VDR: variants seen among roughly 807,000 people sequenced by gnomAD.
VDR encodes the protein vitamin D3 receptor.
In VDR, 19 loss-of-function variants were observed where a neutral mutation model predicts 39.7. That is an observed-to-expected ratio of 0.48 (90% CI 0.33 to 0.70). VDR has a LOEUF of 0.70. VDR is among the 30% of genes least tolerant of loss of function. The pLI is 0.02. For missense variants in VDR, 442 were observed against 570.5 expected, an observed-to-expected ratio of 0.77 and a Z score of 2.29; for synonymous variants, 242 against 215.8, an observed-to-expected ratio of 1.12 and a Z score of -1.07.
At chr12:47,887,336 A>AAAAAC (rs1946276721) in intron 1 of VDR, among the ~76,000 whole-genome samples, 2 of 146,866 alleles carry the variant, frequency 1.4e-5, no homozygotes, top group Admixed American at 6.7e-5. Flanking sequence ...AAAAAAAAAA[A>AAAAAC]AAAAACAAAG....
chr12:47,844,420 T>C lies in VDR; in HGVS notation c.*326A>G, dbSNP rs1945232405. ...ATTTCTCCTGTCTGTTCCCTCAACA[T>C]CAGTCAGCAGCCACTTAGGCAGCGG... On this transcript the variant is annotated 3_prime_UTR_variant, in exon 10 of 10. Coordinates refer to ENST00000549336, the MANE Select transcript of VDR (RefSeq NM_000376.3). The C allele has an allele frequency of 1.9e-6, 1 of 513,300 alleles. No individual in the cohort carries two copies. The highest frequency in any genetic ancestry group is 3.5e-6 in the Non-Finnish European group (1 of 281,942). 31.8% of individuals were successfully genotyped at this position (513,300 alleles called of 1,614,324 possible). A position where few individuals can be genotyped will look rare whatever the true frequency, so the allele number is the denominator to read the frequency against.
chr12:47,872,816 A>G (rs981034663), intron 3 of VDR, among the ~76,000 whole-genome samples: 11 of 152,210 alleles, frequency 7.2e-5, no homozygotes, highest in Admixed American at 6.5e-5. Flanking sequence ...AAACTAAGAC[A>G]CTAAAAAGGG....
intron 3 of VDR, among the ~76,000 whole-genome samples, chr12:47,876,849 A>T (rs144856552): frequency 6.6e-6 from 1 of 152,216 alleles, no homozygotes; most frequent in African/African-American, 2.4e-5. Flanking sequence ...TCCAGTGAGG[A>T]ACTGGCCTCC....
Position 47,844,809 on chromosome 12 carries a change from C to T in VDR, c.1221G>A (p.Gln407=). 6.2e-7 allele frequency: 1 copy of T among 1,614,174 alleles called. No individual in the cohort carries two copies. The highest frequency in any genetic ancestry group is 8.5e-7 in the Non-Finnish European group (1 of 1,180,004). Residue 407 remains glutamine, a synonymous_variant, in exon 10 of 10, where the codon CAG becomes CAA. Coordinates refer to ENST00000549336, the MANE Select transcript of VDR (RefSeq NM_000376.3). The part of the protein sequence containing the change: ...HSKQYRCLSF[Q]PECSMKLTPL... ...GCGTTAGCTTCATGCTGCACTCAGG[C>T]TGGAAGGAGAGGCAGCGGTACTGCT...
chr12:47,894,149 G>T (rs986329465), intron 1 of VDR, among the ~76,000 whole-genome samples: 13 of 152,100 alleles, frequency 8.5e-5, no homozygotes, highest in Non-Finnish European at 1.8e-4. Flanking sequence ...TAAACCACAG[G>T]GTACTTTCCA....
intron 7 of VDR, among the ~76,000 whole-genome samples, chr12:47,854,268 T>A (rs1424863931): frequency 6.6e-6 from 1 of 151,996 alleles, no homozygotes; most frequent in East Asian, 1.9e-4. Flanking sequence ...ACTACAGGCA[T>A]GTGCAACCAC....
chr12:47,859,123 C>G (rs114486865), intron 4 of VDR, among the ~76,000 whole-genome samples: 1 of 152,194 alleles, frequency 6.6e-6, no homozygotes, highest in Non-Finnish European at 1.5e-5. Context: ...CCAGGGAAGG[C>G]AATGGGGGTA....
chr12:47,867,555 C>G (rs1433922583), intron 3 of VDR, among the ~76,000 whole-genome samples: 1 of 152,188 alleles, frequency 6.6e-6, no homozygotes, highest in Non-Finnish European at 1.5e-5. Flanking sequence ...TCCCTAGAGG[C>G]TTTTCATCAT....
intron 1 of VDR, among the ~76,000 whole-genome samples, chr12:47,888,362 G>A (rs1353538603): frequency 2.0e-5 from 3 of 152,150 alleles, no homozygotes; most frequent in African/African-American, 7.2e-5. Context: ...ATGGAAACCA[G>A]GCTACATACT....
intron 3 of VDR, among the ~76,000 whole-genome samples, chr12:47,877,151 C>T (rs1393495788): frequency 6.6e-6 from 1 of 152,084 alleles, no homozygotes; most frequent in African/African-American, 2.4e-5. Context: ...TTTGGGAGGC[C>T]AAGATGGAAG....
At chr12:47,862,441 A>G (rs1315998003) in intron 4 of VDR, among the ~76,000 whole-genome samples, 1 of 152,258 alleles carries the variant, frequency 6.6e-6, no homozygotes, top group Non-Finnish European at 1.5e-5. Flanking sequence ...GCTGAGAGCC[A>G]TGATATTTTA....
intron 7 of VDR, among the ~76,000 whole-genome samples, chr12:47,852,898 C>T (rs1236853514): frequency 6.6e-6 from 1 of 152,156 alleles, no homozygotes; most frequent in African/African-American, 2.4e-5. Flanking sequence ...TTTCCAGCTC[C>T]CCATATTCCA....
At chr12:47,896,968 A>C (rs1315971691) in intron 1 of VDR, 1 of 152,254 alleles carries the variant, frequency 6.6e-6, no homozygotes, top group East Asian at 1.9e-4. Context: ...CGTTTTTTCC[A>C]GCCCTCCTAG....
chr12:47,844,399 C>T lies in VDR; in HGVS notation c.*347G>A, dbSNP rs1178968952. 3 of 464,834 alleles carry T rather than the reference C, an allele frequency of 6.5e-6. No individual in the cohort carries two copies. Among genetic ancestry groups the T allele is most frequent in the African/African-American group, 5.9e-5 (3 of 50,892 alleles). The allele number at this position is 464,834 out of a possible 1,614,324, so 28.8% of individuals were successfully genotyped here. A position where few individuals can be genotyped will look rare whatever the true frequency, so the allele number is the denominator to read the frequency against. ...CTGTCCCTGAGGAATGGATGCATTT[C>T]TCCTGTCTGTTCCCTCAACATCAGT... On this transcript the variant is annotated 3_prime_UTR_variant, in exon 10 of 10. Transcript: ENST00000549336.
chr12:47,875,711 AAC>A (rs1945985869), intron 3 of VDR, among the ~76,000 whole-genome samples: 1 of 152,226 alleles, frequency 6.6e-6, no homozygotes, highest in South Asian at 2.1e-4. Context: ...TGAATATTGA[AAC>A]ACTGTTCCTG....
Position 47,851,887 on chromosome 12 carries a change from T to A in VDR, c.755+3743A>T, listed in dbSNP as rs577309750. ...TGCATCAATGGCTGGGCAGCTCCTG[T>A]ACCTGCCATATGTACCTCACTTTAG... On this transcript the variant is annotated intron_variant, in intron 7 of 9. Coordinates refer to ENST00000549336, the MANE Select transcript of VDR (RefSeq NM_000376.3). Among the ~76,000 whole-genome samples, 53 of 152,330 alleles carry A rather than the reference T, an allele frequency of 3.5e-4. No homozygotes were observed. In the East Asian group the frequency reaches 8.7e-3, roughly 25 times the overall value.
At chr12:47,873,704 T>C (rs1945940382) in intron 3 of VDR, among the ~76,000 whole-genome samples, 1 of 152,206 alleles carries the variant, frequency 6.6e-6, no homozygotes, top group Non-Finnish European at 1.5e-5. Flanking sequence ...TAGTTCTTTA[T>C]AGCAGTGTGA....
Position 47,901,421 on chromosome 12 carries a change from T to A in VDR, c.-84+3534A>T, listed in dbSNP as rs1009591414. The stretch of plus-strand genomic sequence containing the variant: ...ACTTGGATTGAGCAAGAACAGCCTC[T>A]CCCCACCCTGGACCATTTCCCCAAT... On this transcript the variant is annotated intron_variant, in intron 1 of 9. Coordinates refer to ENST00000549336, the MANE Select transcript of VDR (RefSeq NM_000376.3). 11 of 155,822 alleles carry A rather than the reference T, an allele frequency of 7.1e-5. No homozygotes were observed. In the Middle Eastern group the frequency reaches 2.1e-3, roughly 29 times the overall value. 9.7% of individuals were successfully genotyped at this position (155,822 alleles called of 1,614,324 possible). A position where few individuals can be genotyped will look rare whatever the true frequency, so the allele number is the denominator to read the frequency against.
chr12:47,850,199 C>T (rs919765021), intron 7 of VDR, among the ~76,000 whole-genome samples: 13 of 152,100 alleles, frequency 8.5e-5, no homozygotes, highest in African/African-American at 2.9e-4. Context: ...CACAAATATA[C>T]ATAGAGAGAG....
Sources: gnomAD v4.1 joint callset for allele counts (sites outside exome capture counted in the v4.1 genomes callset) on GRCh38, gnomAD v4.1.1 for gene constraint, MANE v1.5 for transcripts, NCBI Gene and HGNC (gene_info 2026-07-23, HGNC 2026-07-21) for gene names.